CLEC9A: variants seen among roughly 807,000 people sequenced by gnomAD.
CLEC9A encodes C-type lectin domain family 9 member A.
A neutral mutation model predicts 30.0 loss-of-function variants in CLEC9A; 24 were observed. The ratio of observed to expected loss-of-function variants is 0.80; its 90% CI spans 0.58 to 1.13. CLEC9A has a LOEUF of 1.13. CLEC9A is among the 50% of genes most tolerant of loss of function. CLEC9A has a pLI of 0.00. For synonymous variants in CLEC9A, 111 were observed against 96.8 expected (o/e 1.15, Z -0.86); for missense variants, 251 against 280.9 (o/e 0.89, Z 0.76).
chr12:10,034,655 G>A (rs1387553384), intron 1 of CLEC9A, among the ~76,000 whole-genome samples: 1 of 152,144 alleles, frequency 6.6e-6, no homozygotes, highest in African/African-American at 2.4e-5. Context: ...ATATGAAATG[G>A]GAAAAGTTCT....
At chr12:10,064,956 A>C (rs1173240708) in intron 8 of CLEC9A, 103 bp downstream of exon 8, 1 of 1,378,506 alleles carries the variant, frequency 7.3e-7, no homozygotes. Flanking sequence ...GACAAGCAGC[A>C]TGATAATGTT....
intron 1 of CLEC9A, among the ~76,000 whole-genome samples, chr12:10,036,410 A>T (rs1037749048): frequency 1.3e-5 from 2 of 152,240 alleles, no homozygotes; most frequent in Non-Finnish European, 2.9e-5. Flanking sequence ...AATTGTAATG[A>T]AGAGGGCTGA....
intron 5 of CLEC9A, 66 bp downstream of exon 5, chr12:10,054,417 T>A: frequency 9.5e-7 from 1 of 1,047,712 alleles, no homozygotes; most frequent in Non-Finnish European, 1.4e-6. Flanking sequence ...AATTTATAAA[T>A]GGATGGAAAA....
In CLEC9A at chr12:10,064,691, GTTTGTTTTTCTCA is replaced by G. The variant is rs1866027049; in HGVS notation, c.472-37_472-25del. 3 of 1,561,750 alleles carry G rather than the reference GTTTGTTTTTCTCA, an allele frequency of 1.9e-6. No individual in the cohort carries two copies. The African/African-American group carries it at 4.3e-5, about 22-fold the overall frequency. On this transcript the variant is annotated intron_variant, in intron 7 of 8. Coordinates refer to ENST00000355819, the MANE Select transcript of CLEC9A (RefSeq NM_207345.4). ...TTTATATTTCACTAGAGTTTTGTTT[GTTTGTTTTTCTCA>G]TTTCACAGTTCAATTTTTGTCTCAT...
intron 1 of CLEC9A, among the ~76,000 whole-genome samples, chr12:10,038,164 T>C (rs993460666): frequency 6.6e-6 from 1 of 152,264 alleles, no homozygotes; most frequent in South Asian, 2.1e-4. Flanking sequence ...TAATTTGTAG[T>C]ACTTTTAAAT....
At chr12:10,033,976 C>T (rs1370756051) in intron 1 of CLEC9A, among the ~76,000 whole-genome samples, 2 of 152,054 alleles carry the variant, frequency 1.3e-5, no homozygotes, top group East Asian at 1.9e-4. Flanking sequence ...TAAATGGCCA[C>T]AAGGAGGAGA....
chr12:10,056,058 CAAAAAAAAAAA>C (rs58274495), intron 5 of CLEC9A, among the ~76,000 whole-genome samples: 5 of 47,536 alleles, frequency 1.1e-4, no homozygotes, highest in East Asian at 6.8e-4. Context: ...GACTCTGTCT[CAAAAAAAAAAA>C]AAAAAAAAAA....
chr12:10,055,873 A>T (rs1865937961), intron 5 of CLEC9A, among the ~76,000 whole-genome samples: 1 of 151,810 alleles, frequency 6.6e-6, no homozygotes, highest in Admixed American at 6.6e-5. Context: ...TCTGGCCAAC[A>T]TGGTGAAACA....
intron 7 of CLEC9A, 46 bp from the exon 8 acceptor site, chr12:10,064,686 T>A (rs747384354): frequency 6.4e-7 from 1 of 1,562,036 alleles, no homozygotes; most frequent in Non-Finnish European, 8.7e-7. Context: ...ACTAGAGTTT[T>A]GTTTGTTTGT....
intron 4 of CLEC9A, 90 bp downstream of exon 4, chr12:10,052,868 A>G (rs1163989624): frequency 7.3e-7 from 1 of 1,373,570 alleles, no homozygotes; most frequent in African/African-American, 1.5e-5. Context: ...TGTTTATTCT[A>G]ATCCGAGATA....
At chr12:10,062,209 A>G (rs1253657277) in intron 6 of CLEC9A, among the ~76,000 whole-genome samples, 1 of 152,240 alleles carries the variant, frequency 6.6e-6, no homozygotes, top group African/African-American at 2.4e-5. Context: ...CAAACAAAAG[A>G]TATTGAAGAG....
At chr12:10,049,171 A>G (rs1020360167) in intron 2 of CLEC9A, among the ~76,000 whole-genome samples, 3 of 152,040 alleles carry the variant, frequency 2.0e-5, no homozygotes, top group African/African-American at 4.8e-5. Context: ...TTTTCTGAGC[A>G]GTAGTTCTCA....
intron 1 of CLEC9A, chr12:10,040,950 A>C (rs1331812085): frequency 5.4e-6 from 1 of 184,306 alleles, no homozygotes; most frequent in Non-Finnish European, 1.2e-5. Flanking sequence ...AAACAATCAG[A>C]ACAAAAGGGC....
At chr12:10,039,512 A>G (rs1443943997) in intron 1 of CLEC9A, among the ~76,000 whole-genome samples, 2 of 152,120 alleles carry the variant, frequency 1.3e-5, no homozygotes, top group African/African-American at 2.4e-5. Context: ...CCCTCTTCCT[A>G]TCTTGCATAT....
chr12:10,032,459 C>T (rs1219027401), intron 1 of CLEC9A, among the ~76,000 whole-genome samples: 3 of 145,142 alleles, frequency 2.1e-5, no homozygotes, highest in African/African-American at 7.6e-5. Context: ...GGCGCAATCT[C>T]GGCTCACTGC....
chr12:10,065,662 A>C lies in CLEC9A; in HGVS notation c.*30A>C, dbSNP rs1866038784. On this transcript the variant is annotated 3_prime_UTR_variant, in exon 9 of 9. Transcript: ENST00000355819. ...AATTGTGTTCAAAGTGTTCTATTAC[A>C]CTGTTATTTGGAGCATGCCATTGGA... 6.2e-7 allele frequency: 1 copy of C among 1,611,524 alleles called. No homozygotes were observed. Among genetic ancestry groups the C allele is most frequent in the Admixed American group, 1.7e-5 (1 of 59,808 alleles).
At chr12:10,048,637 A>G (rs1591888933) in intron 2 of CLEC9A, among the ~76,000 whole-genome samples, 1 of 152,336 alleles carries the variant, frequency 6.6e-6, no homozygotes, top group Middle Eastern at 3.4e-3. Flanking sequence ...TTATTTGCTC[A>G]TCCATAGGAA....
chr12:10,053,256 G>C (rs1484978667), intron 4 of CLEC9A, among the ~76,000 whole-genome samples: 1 of 152,138 alleles, frequency 6.6e-6, no homozygotes, highest in African/African-American at 2.4e-5. Flanking sequence ...CACAGACTTA[G>C]GGGATTAACA....
chr12:10,047,745 G>A (rs1017300304), intron 2 of CLEC9A, among the ~76,000 whole-genome samples: 4 of 152,174 alleles, frequency 2.6e-5, no homozygotes, highest in African/African-American at 9.7e-5. Context: ...ATAGCACTAT[G>A]TCTACAAATG....
Sources: allele counts gnomAD v4.1 joint callset (sites outside exome capture counted in the v4.1 genomes callset), GRCh38; gene constraint gnomAD v4.1.1; transcripts MANE v1.5; gene names NCBI Gene and HGNC (gene_info 2026-07-23, HGNC 2026-07-21).